MROH6: variants seen among roughly 807,000 people sequenced by gnomAD.
MROH6 encodes maestro heat-like repeat-containing protein family member 6.
Under a neutral mutation model 67.7 loss-of-function variants are expected in MROH6, and 62 were observed. The ratio of observed to expected loss-of-function variants is 0.92; its 90% CI spans 0.75 to 1.13. The LOEUF is 1.13. Ranked by LOEUF, MROH6 falls within the 50% of genes most tolerant of loss-of-function variation. The pLI is 0.00. For missense variants in MROH6, 1,175 were observed against 1,029.1 expected (o/e 1.14, Z -1.94); for synonymous variants, 566 against 470.8 (o/e 1.20, Z -2.62).
Position 143,567,610 on chromosome 8 carries a change from C to G in MROH6, c.1933+1G>C, listed in dbSNP as rs1281079485. 6.4e-7 allele frequency: 1 copy of G among 1,559,334 alleles called. No homozygotes were observed. The highest frequency in any genetic ancestry group is 1.4e-5 in the African/African-American group (1 of 73,564). On this transcript the variant is annotated splice_donor_variant, in intron 13 of 13. Coordinates refer to ENST00000398882, the MANE Select transcript of MROH6 (RefSeq NM_001100878.2). LOFTEE classifies it high-confidence loss of function. Reference sequence around the variant, plus strand: ...CATCCCCTGGCAAGGTGGGGCCTCACCCTGGAACAGGGAGTCCAGCAGGTC... The same window carrying G: ...CATCCCCTGGCAAGGTGGGGCCTCAGCCTGGAACAGGGAGTCCAGCAGGTC...
At position 143,571,667 on chromosome 8, in the gene MROH6, C is replaced by G. The variant is rs757512773; in HGVS notation, c.602G>C (p.Arg201Pro). 11 of 1,560,570 alleles carry G rather than the reference C, an allele frequency of 7.0e-6. No individual in the cohort carries two copies. The highest frequency in any genetic ancestry group is 3.3e-4 in the Middle Eastern group (2 of 6,010). Reference sequence around the variant, plus strand: ...CGCAGGGCCAGGACGGTTGGGTTACCGATCGGCGGGCAGAGAGCGGGGTAG... The same window carrying G: ...CGCAGGGCCAGGACGGTTGGGTTACGGATCGGCGGGCAGAGAGCGGGGTAG... ...ALLPRSLPAD[R>P]VAAELWRSLS... The change falls in exon 3 of 14, where the codon CGG becomes CCG. Residue 201 changes from arginine (R) to proline (P), a missense_variant and splice_region_variant. Physicochemically the swap from Arg to Pro is moderately radical, Grantham distance 103 (BLOSUM62 -2). Coordinates refer to ENST00000398882, the MANE Select transcript of MROH6 (RefSeq NM_001100878.2).
At position 143,570,075 on chromosome 8, in the gene MROH6, G is replaced by A; in HGVS notation, c.1044-10C>T. The stretch of plus-strand genomic sequence containing the variant: ...ATGTGCCACCATAGCACTGGGGTGG[G>A]TGGAAATGGGAGCTCTCGCTCCGTT... On this transcript the variant is annotated splice_polypyrimidine_tract_variant and intron_variant, in intron 6 of 13. Transcript: ENST00000398882. 6.2e-7 allele frequency: 1 copy of A among 1,606,498 alleles called. No individual in the cohort carries two copies. The highest frequency in any genetic ancestry group is 1.1e-5 in the South Asian group (1 of 91,036).
rs530010257 is a variant in MROH6, at chr8:143,570,776, G to A, written c.720+101C>T. 67 of 1,412,982 alleles carry A rather than the reference G, an allele frequency of 4.7e-5. No individual in the cohort carries two copies. In the East Asian group the frequency reaches 1.5e-3, roughly 32 times the overall value. The allele number at this position is 1,412,982 out of a possible 1,614,324, so 87.5% of individuals were successfully genotyped here. On this transcript the variant is annotated intron_variant, in intron 4 of 13. Transcript: ENST00000398882. ...CCTCAGACACGCATGGGACATTCCA[G>A]GAGCAGTTACCTAGGTGCAAACTCC...
chr8:143,569,355 GGGGCGGGGCCTGGGAGGGAGAGACTGGAA>G, intron 9 of MROH6, 57 bp downstream of exon 9: 1 of 1,208,404 alleles, frequency 8.3e-7, no homozygotes, highest in Non-Finnish European at 1.1e-6. Context: ...GGGAGAGACG[GGGGCGGGGCCTGGGAGGGAGAGACTGGAA>G]GGGCGGGGGC....
chr8:143,572,252 GCCTCCCA>G, intron 1 of MROH6, 67 bp from the exon 2 acceptor site: 1 of 1,579,150 alleles, frequency 6.3e-7, no homozygotes, highest in African/African-American at 1.4e-5. Flanking sequence ...TGGTCCCTCG[GCCTCCCA>G]CCTGGCTTCC....
chr8:143,572,442 TG>T lies in MROH6; in HGVS notation c.272del (p.Pro91GlnfsTer74), dbSNP rs777238786. The T allele has an allele frequency of 5.0e-6, 8 of 1,589,378 alleles. No individual in the cohort carries two copies. In the African/African-American group the frequency reaches 5.4e-5, roughly 11 times the overall value. ...TCACCTGGTGGGGCCCCTCAGGGGCTGGTTCCAGGGCACTGTTGAGGGAGCA... is the reference window on the plus strand; with the variant it reads ...TCACCTGGTGGGGCCCCTCAGGGGCTGTTCCAGGGCACTGTTGAGGGAGCA... Reference protein sequence around the residue: ...EPCSLNSALEPAPEGPHQVPQ... With the variant: ...EPCSLNSALEXAPEGPHQVPQ... On this transcript the variant is annotated frameshift_variant, in exon 1 of 14. Transcript: ENST00000398882. LOFTEE classifies it high-confidence loss of function.
chr8:143,570,826 G>GA, intron 4 of MROH6, 51 bp downstream of exon 4: 1 of 1,171,226 alleles, frequency 8.5e-7, no homozygotes, highest in Middle Eastern at 2.9e-4. Context: ...CCCGCTCCTC[G>GA]CCACCCCCCA....
At chr8:143,568,297 G>T in intron 10 of MROH6, 36 bp from the exon 11 acceptor site, 1 of 1,576,888 alleles carries the variant, frequency 6.3e-7, no homozygotes, top group East Asian at 2.3e-5. Flanking sequence ...CAGGGGTCCA[G>T]GAAGTAGAAA....
rs780703546 is a variant in MROH6, at chr8:143,571,828, G to A, written c.448-7C>T. The A allele has an allele frequency of 9.7e-6, 15 of 1,539,850 alleles. No individual in the cohort carries two copies. The highest frequency in any genetic ancestry group is 6.0e-5 in the South Asian group (5 of 84,028). ...CACGCACCAGAGCATGCACCTGGTG[G>A]GGAAGGGGGCAGACTTCAGCAGTCA... is the stretch of plus-strand genomic sequence containing the variant. On this transcript the variant is annotated splice_region_variant and splice_polypyrimidine_tract_variant and intron_variant, in intron 2 of 13. Transcript: ENST00000398882.
Position 143,572,590 on chromosome 8 carries a change from C to T in MROH6, c.125G>A (p.Gly42Asp), listed in dbSNP as rs1414990831. ...GACCTCCCAGGACTTGGGCTGAGGG[C>T]CTGCGGAAGGGGGTCCCTGGGGCTG... Reference protein sequence around the residue: ...QGQPQGPPSAGPQPKSWEVKP... With the variant: ...QGQPQGPPSADPQPKSWEVKP... The change falls in exon 1 of 14, where the codon GGC becomes GAC. Residue 42 changes from glycine to aspartate, a missense_variant. Transcript: ENST00000398882. 3.7e-6 allele frequency: 6 copies of T among 1,602,008 alleles called. No homozygotes were observed. The highest frequency in any genetic ancestry group is 1.1e-5 in the South Asian group (1 of 89,596).
At chr8:143,569,929 C>T in intron 7 of MROH6, 22 bp downstream of exon 7, 3 of 1,612,364 alleles carry the variant, frequency 1.9e-6, no homozygotes, top group Non-Finnish European at 2.5e-6. Flanking sequence ...CCCTTCACCA[C>T]CCATCCGGGA....
chr8:143,569,460 A>G lies in MROH6; in HGVS notation c.1457T>C (p.Leu486Pro). Residue 486 changes from leucine (L) to proline (P), a missense_variant, in exon 9 of 14, where the codon CTC (leucine) becomes CCC (proline). By Grantham distance (98) the Leu-to-Pro change is moderately conservative. Transcript: ENST00000398882. ...RLLSAELGPRLPPLLDDTRDS... is the reference protein window; with the variant it reads ...RLLSAELGPRPPPLLDDTRDS... ...GCTCACGTCGTCCAGTAGCGGAGGG[A>G]GGCGCGGTCCCAGCTCCGCGCTCAG... 1 of 1,459,924 alleles carries G rather than the reference A, an allele frequency of 6.8e-7. No individual in the cohort carries two copies. Among genetic ancestry groups the G allele is most frequent in the East Asian group, 2.8e-5 (1 of 35,468 alleles). The allele number at this position is 1,459,924 out of a possible 1,614,324, so 90.4% of individuals were successfully genotyped here.
Position 143,567,257 on chromosome 8 carries a change from G to T in MROH6, c.2142C>A (p.Ser714=). The part of the protein sequence containing the change: ...RRSVAGRWGC[S]GPRRA ...CCGAGCCTCAGGCTCGGCGGGGTCCGGAGCAGCCCCAGCGGCCCGCGACGC... is the reference window on the plus strand; with the variant it reads ...CCGAGCCTCAGGCTCGGCGGGGTCCTGAGCAGCCCCAGCGGCCCGCGACGC... Residue 714 remains serine (S), a synonymous_variant, in exon 14 of 14, where the codon TCC becomes TCA. Coordinates refer to ENST00000398882, the MANE Select transcript of MROH6 (RefSeq NM_001100878.2). 8.2e-7 allele frequency: 1 copy of T among 1,222,124 alleles called. No homozygotes were observed. Among genetic ancestry groups the T allele is most frequent in the Non-Finnish European group, 1.0e-6 (1 of 981,646 alleles). 75.7% of individuals were successfully genotyped at this position (1,222,124 alleles called of 1,614,324 possible). A position where few individuals can be genotyped will look rare whatever the true frequency, so the allele number is the denominator to read the frequency against.
Position 143,572,598 on chromosome 8 carries a change from AG to A in MROH6, c.116del (p.Pro39LeufsTer126), listed in dbSNP as rs35186698. 1 of 1,600,216 alleles carries A rather than the reference AG, an allele frequency of 6.2e-7. No individual in the cohort carries two copies. ...AGGACTTGGGCTGAGGGCCTGCGGA[AG>A]GGGGTCCCTGGGGCTGCCCCTGCCT... is the stretch of plus-strand genomic sequence containing the variant. The part of the protein sequence containing the change: ...RARQGQPQGP[P>X]SAGPQPKSWE... On this transcript the variant is annotated frameshift_variant, in exon 1 of 14. Coordinates refer to ENST00000398882, the MANE Select transcript of MROH6 (RefSeq NM_001100878.2). LOFTEE classifies it high-confidence loss of function.
chr8:143,570,745 G>T, intron 4 of MROH6, 88 bp from the exon 5 acceptor site: 2 of 1,451,054 alleles, frequency 1.4e-6, no homozygotes, highest in Non-Finnish European at 1.9e-6. Context: ...AACAGGATGG[G>T]GACAGCCTCA....
At chr8:143,567,584 C>T (rs1175030802) in intron 13 of MROH6, 27 bp downstream of exon 13, 1 of 1,547,116 alleles carries the variant, frequency 6.5e-7, no homozygotes, top group Admixed American at 2.0e-5. Flanking sequence ...CTCCAGGACA[C>T]CATCCCCTGG....
intron 4 of MROH6, 74 bp downstream of exon 4, chr8:143,570,803 T>A (rs1823980829): frequency 7.0e-7 from 1 of 1,425,622 alleles, no homozygotes; most frequent in East Asian, 2.5e-5. Flanking sequence ...GCAAACTCCC[T>A]ATGCCCATCC....
chr8:143,571,596 A>G, intron 3 of MROH6, 71 bp downstream of exon 3: 1 of 1,538,002 alleles, frequency 6.5e-7, no homozygotes, highest in Non-Finnish European at 8.8e-7. Context: ...TTCTGGGGCC[A>G]GACTCCACCG....
intron 1 of MROH6, 26 bp from the exon 2 acceptor site, chr8:143,572,211 G>C: frequency 6.2e-7 from 1 of 1,610,522 alleles, no homozygotes; most frequent in Non-Finnish European, 8.5e-7. Context: ...TGGGGCGTCT[G>C]AAGTGCCCAA....
Sources: allele counts gnomAD v4.1 joint callset, GRCh38; gene constraint gnomAD v4.1.1; transcripts MANE v1.5; gene names NCBI Gene and HGNC (gene_info 2026-07-23, HGNC 2026-07-21).